The following NEIL3 variants were observed in gnomAD, a reference collection of about 807,000 sequenced individuals.
NEIL3 encodes endonuclease 8-like 3.
Under a neutral mutation model 57.5 loss-of-function variants are expected in NEIL3, and 48 were observed. The observed-to-expected ratio is 0.83, with a 90% CI of 0.66 to 1.06. NEIL3 has a LOEUF of 1.06. Ranked by LOEUF, NEIL3 falls within the 50% of genes least tolerant of loss-of-function variation. NEIL3 has a pLI of 0.00. For synonymous variants in NEIL3, 261 were observed against 253.2 expected (o/e 1.03, Z -0.29); for missense variants, 717 against 739.1 (o/e 0.97, Z 0.35).
intron 6 of NEIL3, among the ~76,000 whole-genome samples, chr4:177,346,398 G>A (rs1173253557): frequency 6.6e-6 from 1 of 151,992 alleles, no homozygotes. Context: ...TGAACTCCTG[G>A]CCTCCAGCAA....
intron 8 of NEIL3, among the ~76,000 whole-genome samples, chr4:177,356,397 C>T (rs1332389418): frequency 6.6e-6 from 1 of 152,160 alleles, no homozygotes; most frequent in East Asian, 1.9e-4. Flanking sequence ...GACTGAGACT[C>T]CACAATCAAT....
Position 177,353,478 on chromosome 4 carries a change from A to G in NEIL3, c.1210A>G (p.Arg404Gly). ...TAGCAATAAATCCAGTACTTTGGAA[A>G]GAAAAACAAAGCAAAACCAGATACT... The part of the protein sequence containing the change: ...DFSNKSSTLE[R>G]KTKQNQILDE... Residue 404 changes from arginine (R) to glycine (G), a missense_variant, in exon 8 of 10, where the codon AGA becomes GGA. By Grantham distance (125) the Arg-to-Gly change is moderately radical. Coordinates refer to ENST00000264596, the MANE Select transcript of NEIL3 (RefSeq NM_018248.3). The G allele has an allele frequency of 1.2e-6, 2 of 1,614,034 alleles. No individual in the cohort carries two copies. The highest frequency in any genetic ancestry group is 1.7e-6 in the Non-Finnish European group (2 of 1,180,004).
chr4:177,313,773 C>T (rs181719900), intron 1 of NEIL3, among the ~76,000 whole-genome samples: 3 of 152,236 alleles, frequency 2.0e-5, no homozygotes, highest in South Asian at 4.2e-4. Flanking sequence ...AGCTATTTAT[C>T]GTTATATATG....
chr4:177,353,857 C>G, intron 8 of NEIL3, 129 bp downstream of exon 8: 1 of 784,744 alleles, frequency 1.3e-6, no homozygotes, highest in Non-Finnish European at 2.0e-6. Flanking sequence ...CCTCTGCCTC[C>G]CGCGTTCAAG....
At chr4:177,319,419 T>C (rs930492270) in intron 1 of NEIL3, among the ~76,000 whole-genome samples, 2 of 152,168 alleles carry the variant, frequency 1.3e-5, no homozygotes, top group Non-Finnish European at 2.9e-5. Context: ...GGACATTAGA[T>C]AGATGTTGAG....
chr4:177,355,623 AT>A (rs1426910499), intron 8 of NEIL3, among the ~76,000 whole-genome samples: 2 of 152,184 alleles, frequency 1.3e-5, no homozygotes, highest in Non-Finnish European at 2.9e-5. Flanking sequence ...CTCAGGTGGA[AT>A]TCTGAGATTC....
chr4:177,368,853 G>A, the NEIL3 span, among the ~76,000 whole-genome samples: 74 of 151,984 alleles, frequency 4.9e-4, no homozygotes, highest in African/African-American at 1.2e-3. Context: ...AAAATTAATC[G>A]AATCAAAGGA....
intron 6 of NEIL3, chr4:177,343,651 C>G (rs34000464): frequency 1.3e-4 from 20 of 152,306 alleles, no homozygotes; most frequent in African/African-American, 4.6e-4. Flanking sequence ...TTCTCCAATA[C>G]TTTTCTCTAC....
At chr4:177,314,642 C>T (rs967067984) in intron 1 of NEIL3, among the ~76,000 whole-genome samples, 6 of 152,096 alleles carry the variant, frequency 3.9e-5, no homozygotes, top group African/African-American at 1.2e-4. Flanking sequence ...TGAGTAAGTG[C>T]TTGAAGGTCC....
At chr4:177,329,907 A>C (rs940681413) in intron 2 of NEIL3, among the ~76,000 whole-genome samples, 1 of 152,042 alleles carries the variant, frequency 6.6e-6, no homozygotes, top group African/African-American at 2.4e-5. Context: ...ATACCTAGAA[A>C]AATCTTTTTT....
At chr4:177,364,266 C>T (rs2110949475), downstream of NEIL3, among the ~76,000 whole-genome samples, 1 of 152,280 alleles carries the variant, frequency 6.6e-6, no homozygotes, top group East Asian at 1.9e-4. Flanking sequence ...CCACAGATAA[C>T]TCTAGATTCC....
chr4:177,333,832 G>A (rs1374426685), intron 2 of NEIL3, among the ~76,000 whole-genome samples: 1 of 151,966 alleles, frequency 6.6e-6, no homozygotes, highest in Non-Finnish European at 1.5e-5. Context: ...ATCTAGCTTG[G>A]GACAGGTGTC....
chr4:177,311,427 G>A (rs1033891780), intron 1 of NEIL3, among the ~76,000 whole-genome samples: 25 of 152,082 alleles, frequency 1.6e-4, no homozygotes, highest in African/African-American at 5.3e-4. Context: ...TGTAATCCCA[G>A]CACTTTGGGA....
intron 2 of NEIL3, among the ~76,000 whole-genome samples, chr4:177,327,669 T>A (rs977820974): frequency 6.6e-6 from 1 of 152,186 alleles, no homozygotes; most frequent in Admixed American, 6.5e-5. Flanking sequence ...TGAGTAGTAG[T>A]GGTGAGAGCA....
rs34403800 is a variant in NEIL3, at chr4:177,336,469, A to G, written c.627+148A>G. ...CCATTTCTACCCAGGTCAATTTCTCAGTGCAGCCGGCTCCTACCACCGCAC... is the reference window on the plus strand; with the variant it reads ...CCATTTCTACCCAGGTCAATTTCTCGGTGCAGCCGGCTCCTACCACCGCAC... On this transcript the variant is annotated intron_variant, in intron 4 of 9. Transcript: ENST00000264596. 2.9e-3 allele frequency: 1,876 copies of G among 654,962 alleles called. 33 individuals are homozygous for G. In the African/African-American group the frequency reaches 0.031, roughly 11 times the overall value. 40.6% of individuals were successfully genotyped at this position (654,962 alleles called of 1,614,324 possible). A position where few individuals can be genotyped will look rare whatever the true frequency, so the allele number is the denominator to read the frequency against.
Position 177,336,297 on chromosome 4 carries a change from C to T in NEIL3, c.603C>T (p.Asp201=), listed in dbSNP as rs755658378. ...GNIIKNEALF[D]SGLHPAVKVC... Reference sequence around the variant, plus strand: ...TCATCAAAAATGAAGCTCTCTTTGACAGTGGTCTCCACCCAGCTGTTAAAG... The same window carrying T: ...TCATCAAAAATGAAGCTCTCTTTGATAGTGGTCTCCACCCAGCTGTTAAAG... Residue 201 remains aspartate, a synonymous_variant, in exon 4 of 10, where the codon GAC becomes GAT. Coordinates refer to ENST00000264596, the MANE Select transcript of NEIL3 (RefSeq NM_018248.3). 1.2e-6 allele frequency: 2 copies of T among 1,614,012 alleles called. No homozygotes were observed. The highest frequency in any genetic ancestry group is 1.1e-5 in the South Asian group (1 of 91,060).
At chr4:177,365,390 GAA>G (rs1289085258), downstream of NEIL3, among the ~76,000 whole-genome samples, 1 of 152,178 alleles carries the variant, frequency 6.6e-6, no homozygotes, top group African/African-American at 2.4e-5. Flanking sequence ...GAAAATGAAT[GAA>G]TGTGAATTAT....
At chr4:177,341,324 C>T (rs1183594744) in intron 5 of NEIL3, 152 bp from the exon 6 acceptor site, 1 of 515,558 alleles carries the variant, frequency 1.9e-6, no homozygotes, top group Admixed American at 3.9e-5. Flanking sequence ...ACCTTTTTCT[C>T]TGATGAAAGA....
intron 1 of NEIL3, among the ~76,000 whole-genome samples, chr4:177,310,901 A>G (rs186825476): frequency 6.6e-6 from 1 of 152,348 alleles, no homozygotes; most frequent in East Asian, 1.9e-4. Context: ...CCTGGAAGAA[A>G]AAGTTGCCTG....
Sources: gnomAD v4.1 joint callset for allele counts (sites outside exome capture counted in the v4.1 genomes callset) on GRCh38, gnomAD v4.1.1 for gene constraint, MANE v1.5 for transcripts, NCBI Gene and HGNC (gene_info 2026-07-23, HGNC 2026-07-21) for gene names.